The following GRIK1 variants were observed in gnomAD, a reference collection of about 807,000 sequenced individuals.
GRIK1 encodes the protein glutamate receptor ionotropic, kainate 1.
Under a neutral mutation model 105.7 loss-of-function variants are expected in GRIK1, and 69 were observed. The observed-to-expected ratio is 0.65, with a 90% CI of 0.54 to 0.80. The LOEUF (loss-of-function observed/expected upper bound fraction) is 0.80. Among genes scored for constraint, GRIK1 ranks in the 30% least tolerant of loss-of-function variants. The pLI is 0.00. For missense variants in GRIK1, 1,109 were observed against 1,167.3 expected (o/e 0.95, Z 0.73); for synonymous variants, 438 against 431.3 (o/e 1.02, Z -0.19).
At chr21:29,634,432 A>C (rs887168741) in intron 7 of GRIK1, among the ~76,000 whole-genome samples, 9 of 152,232 alleles carry the variant, frequency 5.9e-5, no homozygotes, top group Non-Finnish European at 1.3e-4. Context: ...ATTTTGGAGC[A>C]GATCAATTAG....
chr21:29,776,311 T>C (rs971254068), intron 1 of GRIK1, among the ~76,000 whole-genome samples: 1 of 152,242 alleles, frequency 6.6e-6, no homozygotes, highest in African/African-American at 2.4e-5. Context: ...TAAGAAACTG[T>C]AGCTGAAACC....
rs573342784 is a variant in GRIK1, at chr21:29,564,306, C to A, written c.2131-2457G>T. ...GGGACTACAGGCGCCCGCCACTACACCCGGCTAATTTTTTGTATTTTTAGT... is the reference window on the plus strand; with the variant it reads ...GGGACTACAGGCGCCCGCCACTACAACCGGCTAATTTTTTGTATTTTTAGT... On this transcript the variant is annotated intron_variant, in intron 14 of 17. Coordinates refer to ENST00000327783, the MANE Select transcript of GRIK1 (RefSeq NM_001330994.2). Among the ~76,000 whole-genome samples, 774 of 152,138 alleles carry A rather than the reference C, an allele frequency of 5.1e-3. 3 individuals are homozygous for A. The highest frequency in any genetic ancestry group is 8.5e-3 in the Non-Finnish European group (579 of 67,980).
intron 3 of GRIK1, among the ~76,000 whole-genome samples, chr21:29,676,514 A>C (rs363548): frequency 0.043 from 6,499 of 152,288 alleles, 151 homozygotes; most frequent in South Asian, 0.082. Context: ...CGTTTGCTAA[A>C]CATATAATTG....
At chr21:29,747,382 C>T (rs1370903737) in intron 1 of GRIK1, among the ~76,000 whole-genome samples, 1 of 152,154 alleles carries the variant, frequency 6.6e-6, no homozygotes, top group Non-Finnish European at 1.5e-5. Context: ...CTCCCAAATC[C>T]TTGTTGTGTT....
intron 1 of GRIK1, among the ~76,000 whole-genome samples, chr21:29,834,486 A>G (rs890674352): frequency 1.3e-5 from 2 of 151,014 alleles, no homozygotes; most frequent in African/African-American, 4.8e-5. Flanking sequence ...TTCACCCCCC[A>G]CTTTGTTCTT....
chr21:29,780,814 C>T (rs370777099), intron 1 of GRIK1, among the ~76,000 whole-genome samples: 1 of 152,276 alleles, frequency 6.6e-6, no homozygotes, highest in East Asian at 1.9e-4. Flanking sequence ...GCTTCTGCCA[C>T]ACCTGCTTTA....
chr21:29,811,895 T>G (rs1430379057), intron 1 of GRIK1, among the ~76,000 whole-genome samples: 1 of 152,190 alleles, frequency 6.6e-6, no homozygotes, highest in African/African-American at 2.4e-5. Context: ...CCTCCTTACC[T>G]GGAAACCTCT....
At chr21:29,782,167 A>G (rs1237150065) in intron 1 of GRIK1, among the ~76,000 whole-genome samples, 3 of 149,492 alleles carry the variant, frequency 2.0e-5, no homozygotes, top group African/African-American at 7.4e-5. Flanking sequence ...GCTCACTGCA[A>G]GCTCTGCCTC....
intron 1 of GRIK1, among the ~76,000 whole-genome samples, chr21:29,758,444 T>C (rs1383729539): frequency 6.6e-6 from 1 of 152,160 alleles, no homozygotes; most frequent in African/African-American, 2.4e-5. Flanking sequence ...TCAGCTCTTA[T>C]GAGACTTACT....
intron 7 of GRIK1, among the ~76,000 whole-genome samples, chr21:29,610,044 C>G (rs1049971147): frequency 1.3e-5 from 2 of 152,044 alleles, no homozygotes; most frequent in African/African-American, 4.8e-5. Flanking sequence ...TTCAGAAAGC[C>G]CTCTCTGGAA....
chr21:29,657,627 G>A (rs1439129652), intron 4 of GRIK1: 3 of 152,298 alleles, frequency 2.0e-5, no homozygotes, highest in Non-Finnish European at 1.5e-5. Flanking sequence ...TAAGAAACGA[G>A]TCCAGTCATT....
intron 1 of GRIK1, among the ~76,000 whole-genome samples, chr21:29,797,735 T>C (rs754904926): frequency 2.0e-5 from 3 of 152,240 alleles, no homozygotes; most frequent in Non-Finnish European, 2.9e-5. Context: ...TGTAGAGTTC[T>C]ACATGAAGAG....
rs527695466 is a variant in GRIK1 at position 29,898,430 on chromosome 21, G to C, written c.118+40953C>G. 3.3e-5 allele frequency among the ~76,000 whole-genome samples: 5 copies of C among 152,234 alleles called. No individual in the cohort carries two copies. In the East Asian group the frequency reaches 9.7e-4, roughly 29 times the overall value. On this transcript the variant is annotated intron_variant, in intron 1 of 17. Coordinates refer to ENST00000327783, the MANE Select transcript of GRIK1 (RefSeq NM_001330994.2). Reference sequence around the variant, plus strand: ...TCTATGGGCACAGGTCAGGTGAGGGGGTTAGTTCAGCCCTAATGCATCCAG... The same window carrying C: ...TCTATGGGCACAGGTCAGGTGAGGGCGTTAGTTCAGCCCTAATGCATCCAG...
At chr21:29,820,404 G>C (rs1334430819) in intron 1 of GRIK1, among the ~76,000 whole-genome samples, 1 of 152,046 alleles carries the variant, frequency 6.6e-6, no homozygotes, top group Non-Finnish European at 1.5e-5. Flanking sequence ...CAATGATAAT[G>C]AAGAATGAAT....
At chr21:29,842,452 C>A (rs1168454350) in intron 1 of GRIK1, among the ~76,000 whole-genome samples, 2 of 152,136 alleles carry the variant, frequency 1.3e-5, no homozygotes, top group Admixed American at 1.3e-4. Context: ...ACTTCAAATT[C>A]TGAAGGCTTA....
In GRIK1 at chr21:29,667,222, C is replaced by T. The variant is rs56697571; in HGVS notation, c.726+5761G>A. Among the ~76,000 whole-genome samples the T allele has an allele frequency of 1.1e-3, 167 of 152,276 alleles. 3 individuals carry two copies. In the East Asian group the frequency reaches 0.031, roughly 29 times the overall value. ...AGTGAGAGATCACAGCTGATGGTTGCTTCTGTCTTATCTAAACAAGGGATG... is the reference window on the plus strand; with the variant it reads ...AGTGAGAGATCACAGCTGATGGTTGTTTCTGTCTTATCTAAACAAGGGATG... On this transcript the variant is annotated intron_variant, in intron 4 of 17. Coordinates refer to ENST00000327783, the MANE Select transcript of GRIK1 (RefSeq NM_001330994.2).
intron 1 of GRIK1, among the ~76,000 whole-genome samples, chr21:29,888,793 A>T (rs1482950317): frequency 6.6e-6 from 1 of 152,170 alleles, no homozygotes; most frequent in East Asian, 1.9e-4. Context: ...CACCAAAGAA[A>T]TCCACCATCT....
intron 1 of GRIK1, among the ~76,000 whole-genome samples, chr21:29,791,688 A>G (rs73358479): frequency 0.011 from 1,666 of 152,304 alleles, 38 homozygotes; most frequent in African/African-American, 0.038. Context: ...GCTTTCTAAT[A>G]GTCTAGTAAA....
intron 1 of GRIK1, among the ~76,000 whole-genome samples, chr21:29,726,585 A>C (rs1486753026): frequency 6.6e-6 from 1 of 152,128 alleles, no homozygotes; most frequent in Non-Finnish European, 1.5e-5. Context: ...TTTTCAAAAC[A>C]TTGTTAAGCT....
Sources: allele counts gnomAD v4.1 joint callset (sites outside exome capture counted in the v4.1 genomes callset), GRCh38; gene constraint gnomAD v4.1.1; transcripts MANE v1.5; gene names NCBI Gene and HGNC (gene_info 2026-07-23, HGNC 2026-07-21).